LEKR1: variants seen among roughly 807,000 people sequenced by gnomAD.
The protein encoded by LEKR1 is protein LEKR1.
LEKR1 carries 59 observed loss-of-function variants against 72.4 expected under a neutral mutation model. That is an observed-to-expected ratio of 0.82 (90% confidence interval 0.66 to 1.01). The LOEUF is 1.01. Among genes scored for constraint, LEKR1 ranks in the 50% least tolerant of loss-of-function variants. The probability of loss-of-function intolerance (pLI) is 0.00; values close to 1 mark genes in which losing one functional copy is unlikely to be tolerated. For synonymous variants in LEKR1, 257 were observed against 263.2 expected, an observed-to-expected ratio of 0.98 and a Z score of 0.23; for missense variants, 728 against 759.2, an observed-to-expected ratio of 0.96 and a Z score of 0.48.
At chr3:156,946,852 T>A (rs1388397932) in intron 6 of LEKR1, among the ~76,000 whole-genome samples, 2 of 151,212 alleles carry the variant, frequency 1.3e-5, no homozygotes. Context: ...AGGAATTTAT[T>A]CATTTCTTCT....
intron 9 of LEKR1, among the ~76,000 whole-genome samples, chr3:157,000,868 G>T (rs1731956173): frequency 6.6e-6 from 1 of 152,200 alleles, no homozygotes; most frequent in Admixed American, 6.5e-5. Context: ...AATAGGTGGA[G>T]GTAATTGAAT....
At chr3:157,000,702 T>G (rs1047536007) in intron 9 of LEKR1, among the ~76,000 whole-genome samples, 1 of 152,228 alleles carries the variant, frequency 6.6e-6, no homozygotes, top group Non-Finnish European at 1.5e-5. Flanking sequence ...TCAGTAAATA[T>G]CTGTTGAATT....
At chr3:156,842,434 T>A (rs1224375633) in intron 2 of LEKR1, among the ~76,000 whole-genome samples, 9 of 151,956 alleles carry the variant, frequency 5.9e-5, no homozygotes, top group Non-Finnish European at 8.8e-5. Context: ...TGCTGTTTCC[T>A]TTTTTTTCTG....
chr3:156,898,552 CT>C (rs1397584390), intron 3 of LEKR1, among the ~76,000 whole-genome samples: 1 of 152,122 alleles, frequency 6.6e-6, no homozygotes, highest in Non-Finnish European at 1.5e-5. Flanking sequence ...TTCTCAGTCT[CT>C]GGAACTGTGA....
chr3:156,833,202 G>A (rs1712667361), intron 2 of LEKR1, among the ~76,000 whole-genome samples: 1 of 152,180 alleles, frequency 6.6e-6, no homozygotes, highest in South Asian at 2.1e-4. Context: ...AGTCCATACA[G>A]TTAATTCCTG....
At chr3:156,846,041 T>C (rs1315467830) in intron 2 of LEKR1, among the ~76,000 whole-genome samples, 1 of 152,192 alleles carries the variant, frequency 6.6e-6, no homozygotes, top group Non-Finnish European at 1.5e-5. Context: ...TTTTGTTATA[T>C]CTACACCTGA....
intron 3 of LEKR1, among the ~76,000 whole-genome samples, chr3:156,894,312 A>C (rs1046391926): frequency 6.6e-6 from 1 of 152,228 alleles, no homozygotes; most frequent in Non-Finnish European, 1.5e-5. Flanking sequence ...CACATACAAT[A>C]ATTATAAAAT....
chr3:156,963,186 C>T (rs1045824490), intron 6 of LEKR1, among the ~76,000 whole-genome samples: 1 of 152,158 alleles, frequency 6.6e-6, no homozygotes, highest in African/African-American at 2.4e-5. Flanking sequence ...ATAAGATTAA[C>T]ACTAGGCTTG....
chr3:156,880,451 A>G (rs1719157839), intron 3 of LEKR1, among the ~76,000 whole-genome samples: 1 of 152,262 alleles, frequency 6.6e-6, no homozygotes, highest in Non-Finnish European at 1.5e-5. Flanking sequence ...CTAAACCAGT[A>G]AGAAGTTGAA....
rs1715561564 is a variant in LEKR1 at position 156,852,914 on chromosome 3, AG to A, written c.196del (p.Glu66LysfsTer27). On this transcript the variant is annotated frameshift_variant, in exon 3 of 13. Transcript: ENST00000356539. LOFTEE classifies it high-confidence loss of function. ...GSVDREKRLQ[E>X]KLHSLSQELE... is the part of the protein sequence containing the mutation. Reference sequence around the variant, plus strand: ...GTGTAGATCGTGAAAAGAGACTTCAAGAAAAGCTGCATTCTCTTAGCCAAGA... The same window carrying A: ...GTGTAGATCGTGAAAAGAGACTTCAAAAAAGCTGCATTCTCTTAGCCAAGA... 5 of 1,513,436 alleles carry A rather than the reference AG, an allele frequency of 3.3e-6. No homozygotes were observed. The African/African-American group carries it at 4.3e-5, about 13-fold the overall frequency. 93.8% of individuals were successfully genotyped at this position (1,513,436 alleles called of 1,614,324 possible).
chr3:156,963,886 A>C (rs188282061), intron 6 of LEKR1, among the ~76,000 whole-genome samples: 1 of 152,304 alleles, frequency 6.6e-6, no homozygotes, highest in Admixed American at 6.5e-5. Flanking sequence ...ATACATTGTT[A>C]TCATTAATGT....
chr3:156,873,708 G>T (rs1718229074), intron 3 of LEKR1, among the ~76,000 whole-genome samples: 1 of 151,758 alleles, frequency 6.6e-6, no homozygotes. Context: ...CTCAGCTTTT[G>T]CATGTCTGGA....
At chr3:157,028,540 T>A in intron 12 of LEKR1, 138 bp downstream of exon 12, 1 of 714,690 alleles carries the variant, frequency 1.4e-6, no homozygotes, top group Non-Finnish European at 2.3e-6. Context: ...CACATCCTGG[T>A]GCTCTGTCCT....
At chr3:156,944,835 T>G (rs896617398) in intron 6 of LEKR1, among the ~76,000 whole-genome samples, 1 of 151,810 alleles carries the variant, frequency 6.6e-6, no homozygotes, top group African/African-American at 2.4e-5. Flanking sequence ...ACATTTGGGT[T>G]ACTTCCAAAT....
chr3:157,001,346 G>A (rs1168048298), intron 9 of LEKR1, among the ~76,000 whole-genome samples: 1 of 152,128 alleles, frequency 6.6e-6, no homozygotes, highest in African/African-American at 2.4e-5. Context: ...TTTTAACAGA[G>A]GCAGGAGTTG....
intron 6 of LEKR1, among the ~76,000 whole-genome samples, chr3:156,950,840 A>G (rs1230373100): frequency 1.3e-5 from 2 of 151,656 alleles, no homozygotes; most frequent in African/African-American, 4.8e-5. Context: ...TTCTTAACCT[A>G]TTTGAATGCC....
intron 2 of LEKR1, among the ~76,000 whole-genome samples, chr3:156,838,766 T>A (rs1230612275): frequency 1.3e-5 from 2 of 151,980 alleles, no homozygotes; most frequent in Non-Finnish European, 2.9e-5. Flanking sequence ...CACCTCCAAT[T>A]CCAACATACT....
chr3:156,897,676 G>A (rs1320459699), intron 3 of LEKR1, among the ~76,000 whole-genome samples: 1 of 152,194 alleles, frequency 6.6e-6, no homozygotes, highest in Non-Finnish European at 1.5e-5. Flanking sequence ...ACCGGGGCCT[G>A]GTGTGGTGGC....
intron 3 of LEKR1, among the ~76,000 whole-genome samples, chr3:156,882,686 T>G (rs1177453606): frequency 6.6e-6 from 1 of 152,186 alleles, no homozygotes; most frequent in Non-Finnish European, 1.5e-5. Context: ...CATGCTGTTA[T>G]AAAGACACAT....
Sources: gnomAD v4.1 joint callset for allele counts (sites outside exome capture counted in the v4.1 genomes callset) on GRCh38, gnomAD v4.1.1 for gene constraint, MANE v1.5 for transcripts, NCBI Gene and HGNC (gene_info 2026-07-23, HGNC 2026-07-21) for gene names.